The following ZFP64 variants were observed in gnomAD, a reference collection of about 807,000 sequenced individuals.
ZFP64 encodes zinc finger protein 64.
Under a neutral mutation model 51.6 loss-of-function variants are expected in ZFP64, and 14 were observed. That is an observed-to-expected ratio of 0.27 (90% CI 0.18 to 0.42). The LOEUF (loss-of-function observed/expected upper bound fraction) is 0.42. ZFP64 is among the 10% of genes least tolerant of loss of function. The pLI is 1.00. For synonymous variants in ZFP64, 375 were observed against 361.4 expected (o/e 1.04, Z -0.43); for missense variants, 754 against 906.8 (o/e 0.83, Z 2.16).
intron 5 of ZFP64, among the ~76,000 whole-genome samples, chr20:52,120,412 T>A (rs936275628): frequency 2.6e-5 from 4 of 152,084 alleles, no homozygotes; most frequent in African/African-American, 9.7e-5. Flanking sequence ...TGGTAATGAC[T>A]ATGAGGATGG....
At chr20:52,186,721 A>G (rs1195054075) in intron 2 of ZFP64, 111 bp downstream of exon 2, 2 of 1,408,912 alleles carry the variant, frequency 1.4e-6, no homozygotes, top group South Asian at 1.7e-5. Flanking sequence ...ATAATGAATC[A>G]GCAACCCTAG....
In ZFP64 at chr20:52,097,775, T is replaced by C. The variant is rs1600698676; in HGVS notation, c.914-340A>G. On this transcript the variant is annotated intron_variant, in intron 6 of 8. Transcript: ENST00000361387. ...ATGCCTGGCCTGAAGAATACAATTC[T>C]TAGAAGAACCTCAGTTGAGTGTGGT... Among the ~76,000 whole-genome samples the C allele has an allele frequency of 3.3e-5, 5 of 152,258 alleles. No individual in the cohort carries two copies. The South Asian group carries it at 1.0e-3, about 32-fold the overall frequency.
chr20:52,167,026 TATAAA>T (rs1982334003), intron 2 of ZFP64, among the ~76,000 whole-genome samples: 1 of 151,928 alleles, frequency 6.6e-6, no homozygotes, highest in Non-Finnish European at 1.5e-5. Flanking sequence ...ACAGACTAAA[TATAAA>T]ATATAATTGT....
intron 2 of ZFP64, among the ~76,000 whole-genome samples, chr20:52,180,263 T>C (rs62215766): frequency 0.079 from 11,960 of 152,270 alleles, 537 homozygotes; most frequent in Non-Finnish European, 0.1. Flanking sequence ...TCTCCCTCTC[T>C]ATCGTAATAT....
intron 4 of ZFP64, among the ~76,000 whole-genome samples, chr20:52,163,321 A>G (rs1325376995): frequency 2.0e-5 from 3 of 152,156 alleles, no homozygotes; most frequent in Non-Finnish European, 4.4e-5. Flanking sequence ...AGATTGAACC[A>G]TTGCACTCCA....
intron 5 of ZFP64, among the ~76,000 whole-genome samples, chr20:52,156,569 C>A (rs1981337294): frequency 6.6e-6 from 1 of 152,202 alleles, no homozygotes; most frequent in Non-Finnish European, 1.5e-5. Flanking sequence ...CTGGTTTGCC[C>A]AGCTGATCCC....
intron 2 of ZFP64, among the ~76,000 whole-genome samples, chr20:52,185,577 C>T (rs1376233806): frequency 2.6e-5 from 3 of 114,974 alleles, no homozygotes; most frequent in African/African-American, 3.5e-5. Flanking sequence ...TTCCACTTTG[C>T]ACTTTTTTTT....
chr20:52,113,580 C>T (rs1417480045), intron 5 of ZFP64, among the ~76,000 whole-genome samples: 3 of 144,940 alleles, frequency 2.1e-5, no homozygotes, highest in Non-Finnish European at 4.5e-5. Context: ...AGGCACCCGC[C>T]ACCATACCTG....
chr20:52,095,321 T>C (rs567532473), intron 7 of ZFP64, among the ~76,000 whole-genome samples: 97 of 152,274 alleles, frequency 6.4e-4, no homozygotes, highest in Non-Finnish European at 1.1e-3. Context: ...CAGGAGGCCA[T>C]TGTGGAGCAG....
intron 7 of ZFP64, among the ~76,000 whole-genome samples, chr20:52,094,850 G>C (rs978585696): frequency 6.6e-6 from 1 of 152,160 alleles, no homozygotes; most frequent in Non-Finnish European, 1.5e-5. Context: ...TCTGAGCTTG[G>C]TTTTAACTTG....
chr20:52,138,645 AAATAT>A (rs1459378472), intron 5 of ZFP64, among the ~76,000 whole-genome samples: 1 of 130,382 alleles, frequency 7.7e-6, no homozygotes, highest in African/African-American at 2.6e-5. Flanking sequence ...ACATATGGCA[AAATAT>A]AATAAAAAAA....
At chr20:52,109,227 G>A (rs944594549) in intron 5 of ZFP64, among the ~76,000 whole-genome samples, 2 of 151,730 alleles carry the variant, frequency 1.3e-5, no homozygotes, top group East Asian at 2.0e-4. Context: ...CTTGGCTCAC[G>A]ATCTTGGCTC....
At chr20:52,135,864 C>T (rs1255106861) in intron 5 of ZFP64, among the ~76,000 whole-genome samples, 2 of 151,532 alleles carry the variant, frequency 1.3e-5, no homozygotes, top group Non-Finnish European at 2.9e-5. Flanking sequence ...TTTGGGAGGC[C>T]GAGGTGGGTG....
At chr20:52,097,031 CT>C in intron 7 of ZFP64, 1 of 638,974 alleles carries the variant, frequency 1.6e-6, no homozygotes, top group Non-Finnish European at 3.0e-6. Context: ...TGCCCATGGG[CT>C]GCAGTTTGTA....
At chr20:52,179,946 T>C (rs934227549) in intron 2 of ZFP64, among the ~76,000 whole-genome samples, 5 of 152,236 alleles carry the variant, frequency 3.3e-5, no homozygotes, top group African/African-American at 9.6e-5. Flanking sequence ...AGAAGTAATG[T>C]CACTCAGATT....
At chr20:52,161,811 G>T (rs1437979963) in intron 4 of ZFP64, among the ~76,000 whole-genome samples, 1 of 152,146 alleles carries the variant, frequency 6.6e-6, no homozygotes, top group East Asian at 1.9e-4. Context: ...AGACATAGAG[G>T]TCTATTAGGA....
In ZFP64 at chr20:52,088,774, T is replaced by C. The variant is rs1283960437; in HGVS notation, c.977-131A>G. On this transcript the variant is annotated intron_variant, in intron 7 of 8. Coordinates refer to the ZFP64 transcript ENST00000361387. ...TCCAAATACTGAGAGAGAAAGATAC[T>C]GAAGTCTACATCAGCATATTGGGAA... The C allele has an allele frequency of 2.6e-6, 3 of 1,164,566 alleles. No individual in the cohort carries two copies. The East Asian group carries it at 7.0e-5, about 27-fold the overall frequency. 72.1% of individuals were successfully genotyped at this position (1,164,566 alleles called of 1,614,324 possible).
chr20:52,090,825 G>T (rs190747113), intron 7 of ZFP64, among the ~76,000 whole-genome samples: 153 of 145,016 alleles, frequency 1.1e-3, no homozygotes, highest in Non-Finnish European at 1.9e-3. Flanking sequence ...GACTTGGTTG[G>T]GCACAATGGC....
At chr20:52,135,428 C>T (rs756664941) in intron 5 of ZFP64, among the ~76,000 whole-genome samples, 2 of 152,156 alleles carry the variant, frequency 1.3e-5, no homozygotes, top group African/African-American at 2.4e-5. Flanking sequence ...GATTCCTGCT[C>T]TATGGCAAAA....
Sources: allele counts gnomAD v4.1 joint callset (sites outside exome capture counted in the v4.1 genomes callset), GRCh38; gene constraint gnomAD v4.1.1; transcripts MANE v1.5; gene names NCBI Gene and HGNC (gene_info 2026-07-23, HGNC 2026-07-21).